The following PPAT variants were observed in gnomAD, a reference collection of about 807,000 sequenced individuals.
The protein encoded by PPAT is amidophosphoribosyltransferase.
A neutral mutation model predicts 60.2 loss-of-function variants in PPAT; 20 were observed. That is an observed-to-expected ratio of 0.33 (90% CI 0.23 to 0.48). The LOEUF (loss-of-function observed/expected upper bound fraction) is 0.48. PPAT is among the 20% of genes least tolerant of loss of function. The probability of loss-of-function intolerance (pLI) is 0.99; values close to 1 mark genes in which losing one functional copy is unlikely to be tolerated. For synonymous variants in PPAT, 194 were observed against 215.1 expected, an observed-to-expected ratio of 0.90 and a Z score of 0.86; for missense variants, 349 against 629.6, an observed-to-expected ratio of 0.55 and a Z score of 4.77.
At chr4:56,403,675 T>C (rs1560638714) in intron 3 of PPAT, among the ~76,000 whole-genome samples, 1 of 152,204 alleles carries the variant, frequency 6.6e-6, no homozygotes, top group African/African-American at 2.4e-5. Context: ...TACTATACTG[T>C]AATATATAAT....
Position 56,406,581 on chromosome 4 carries a change from G to T in PPAT, c.316C>A (p.Gln106Lys). 1 of 1,613,828 alleles carries T rather than the reference G, an allele frequency of 6.2e-7. No homozygotes were observed. The highest frequency in any genetic ancestry group is 8.5e-7 in the Non-Finnish European group (1 of 1,179,902). ...TTGKCELENC[Q>K]PFVVETLHGK... Reference sequence around the variant, plus strand: ...TGAAGTGTTTCAACAACGAAGGGCTGACAATTTTCTAGTTCACATTTTCCT... The same window carrying T: ...TGAAGTGTTTCAACAACGAAGGGCTTACAATTTTCTAGTTCACATTTTCCT... The change falls in exon 3 of 11, where the codon CAG becomes AAG. Residue 106 changes from glutamine to lysine, a missense_variant. Physicochemically the swap from Gln to Lys is moderately conservative, Grantham distance 53. Coordinates refer to ENST00000264220, the MANE Select transcript of PPAT (RefSeq NM_002703.5).
At position 56,396,883 on chromosome 4, in the gene PPAT, GTTTTT is replaced by G; in HGVS notation, c.1237-149_1237-145del. 1.4e-6 allele frequency: 1 copy of G among 700,136 alleles called. No homozygotes were observed. The highest frequency in any genetic ancestry group is 2.1e-6 in the Non-Finnish European group (1 of 487,450). 43.4% of individuals were successfully genotyped at this position (700,136 alleles called of 1,614,324 possible). ...ATTCTTTCTACAAAGCTGCTTCTTG[GTTTTT>G]TTTTTCTTTCACCTAATCATGAGGA... is the stretch of plus-strand genomic sequence containing the variant. On this transcript the variant is annotated intron_variant, in intron 9 of 10. Coordinates refer to ENST00000264220, the MANE Select transcript of PPAT (RefSeq NM_002703.5). The surrounding 1 kb of genome is among the most constrained non-coding windows in gnomAD (Gnocchi z 4.6).
chr4:56,410,708 A>G (rs1716408497), intron 1 of PPAT: 1 of 986,744 alleles, frequency 1.0e-6, no homozygotes, highest in Admixed American at 6.1e-5. Context: ...TAAGTACAAA[A>G]ATCTCAAATA....
intron 1 of PPAT, among the ~76,000 whole-genome samples, chr4:56,424,334 A>G (rs1202052805): frequency 6.6e-6 from 1 of 152,024 alleles, no homozygotes; most frequent in East Asian, 1.9e-4. Flanking sequence ...GAGTCAGTTC[A>G]GGCACCCGTA....
chr4:56,404,953 C>T (rs986107107), intron 3 of PPAT, among the ~76,000 whole-genome samples: 1 of 152,102 alleles, frequency 6.6e-6, no homozygotes, highest in Non-Finnish European at 1.5e-5. Flanking sequence ...ATGTAACCAT[C>T]TATTACTAAA....
intron 1 of PPAT, among the ~76,000 whole-genome samples, chr4:56,427,385 G>A (rs577414780): frequency 1.1e-4 from 17 of 152,180 alleles, no homozygotes; most frequent in South Asian, 8.3e-4. Context: ...GGAATTGCTT[G>A]GTCATATGGC....
chr4:56,399,343 T>G lies in PPAT; in HGVS notation c.1072A>C (p.Ile358Leu). ...TGTCTTAACCTCATGTTTGGCTGAA[T>G]GAAGGTTCTCCCTACATACCGGTTT... ...CKNRYVGRTF[I>L]QPNMRLRQLG... The change falls in exon 9 of 11, where the codon ATT (isoleucine) becomes CTT (leucine). Residue 358 changes from isoleucine (I) to leucine (L), a missense_variant. By Grantham distance (5) the Ile-to-Leu change is conservative (BLOSUM62 2). This residue lies in a region of PPAT where 167 missense variants were observed against 328.6 expected (regional missense o/e 0.51). Coordinates refer to ENST00000264220, the MANE Select transcript of PPAT (RefSeq NM_002703.5). The G allele has an allele frequency of 6.2e-7, 1 of 1,614,038 alleles. No individual in the cohort carries two copies. The highest frequency in any genetic ancestry group is 2.2e-5 in the East Asian group (1 of 44,846).
At chr4:56,432,804 T>A (rs6842547) in intron 1 of PPAT, among the ~76,000 whole-genome samples, 1,643 of 65,720 alleles carry the variant, frequency 0.025, 47 homozygotes, top group Non-Finnish European at 0.042. Flanking sequence ...AAAAAAAAAA[T>A]CAAGAAGATA....
chr4:56,401,018 T>C lies in PPAT; in HGVS notation c.887-107A>G, dbSNP rs78237529. 5.0e-4 allele frequency: 576 copies of C among 1,150,970 alleles called. 1 individual carries two copies. In the East Asian group the frequency reaches 9.6e-3, roughly 19 times the overall value. 71.3% of individuals were successfully genotyped at this position (1,150,970 alleles called of 1,614,324 possible). A position where few individuals can be genotyped will look rare whatever the true frequency, so the allele number is the denominator to read the frequency against. On this transcript the variant is annotated intron_variant, in intron 7 of 10. Transcript: ENST00000264220. ...TCTACAGATTGAGTATAAAAAGAAA[T>C]GCAATATATACAAAAATATGAATGT...
At chr4:56,405,688 G>A (rs369967978) in intron 3 of PPAT, among the ~76,000 whole-genome samples, 1 of 152,224 alleles carries the variant, frequency 6.6e-6, no homozygotes, top group Non-Finnish European at 1.5e-5. Flanking sequence ...GGTGCCCCTG[G>A]AAAGGGCATG....
At chr4:56,424,174 TTC>T (rs1252783531) in intron 1 of PPAT, among the ~76,000 whole-genome samples, 1 of 152,226 alleles carries the variant, frequency 6.6e-6, no homozygotes, top group African/African-American at 2.4e-5. Context: ...CCCAAAAGTA[TTC>T]TCTTTCCTAT....
chr4:56,431,030 A>T (rs905983554), intron 1 of PPAT, among the ~76,000 whole-genome samples: 10 of 152,180 alleles, frequency 6.6e-5, no homozygotes, highest in Non-Finnish European at 1.2e-4. Context: ...GATTGAAAAC[A>T]CTTATTTTAA....
rs117698712 is a variant in PPAT, at chr4:56,406,961, C to T, written c.196-260G>A. The stretch of plus-strand genomic sequence containing the variant: ...CATTCTAAAAAGAACAATTTAGTGG[C>T]ATTTAATACCTTCACAATGTTGAAG... On this transcript the variant is annotated intron_variant, in intron 2 of 10. Coordinates refer to ENST00000264220, the MANE Select transcript of PPAT (RefSeq NM_002703.5). Among the ~76,000 whole-genome samples, 205 of 152,262 alleles carry T rather than the reference C, an allele frequency of 1.3e-3. 6 individuals carry two copies. In the East Asian group the frequency reaches 0.033, roughly 25 times the overall value.
At chr4:56,411,038 A>T (rs1176014117) in intron 1 of PPAT, 2 of 607,736 alleles carry the variant, frequency 3.3e-6, no homozygotes, top group Admixed American at 1.3e-4. Flanking sequence ...CTGTGGAAAA[A>T]TAACCAATTT....
chr4:56,432,997 T>TTATA lies in PPAT; in HGVS notation c.128+2349_128+2352dup, dbSNP rs370961590. On this transcript the variant is annotated intron_variant, in intron 1 of 10. Coordinates refer to ENST00000264220, the MANE Select transcript of PPAT (RefSeq NM_002703.5). ...ACATATATACATACACACACGTATT[T>TTATA]TATATATATATATATAAAACTAAAC... Among the ~76,000 whole-genome samples the TTATA allele has an allele frequency of 9.7e-3, 1,443 of 148,494 alleles. 22 individuals carry two copies. The highest frequency in any genetic ancestry group is 0.032 in the African/African-American group (1,309 of 40,414).
At chr4:56,414,713 T>C (rs1321221008) in intron 1 of PPAT, among the ~76,000 whole-genome samples, 1 of 152,186 alleles carries the variant, frequency 6.6e-6, no homozygotes. Flanking sequence ...GACGTAAATC[T>C]GGACTCTAAA....
chr4:56,433,413 GA>G (rs1182906456), intron 1 of PPAT, among the ~76,000 whole-genome samples: 5,984 of 90,116 alleles, frequency 0.066, 407 homozygotes, highest in African/African-American at 0.21. Flanking sequence ...AAAAAAAAAA[GA>G]AAAAAAAAAC....
chr4:56,434,153 G>T lies in PPAT; in HGVS notation c.128+1197C>A, dbSNP rs1424705035. Among the ~76,000 whole-genome samples the T allele has an allele frequency of 2.0e-5, 3 of 152,134 alleles. No individual in the cohort carries two copies. The East Asian group carries it at 5.8e-4, about 29-fold the overall frequency. ...CACAATTATCCAAGATTGGAGCTAC[G>T]CAAGTTAAAAATATTCTTTTTGATG... On this transcript the variant is annotated intron_variant, in intron 1 of 10. Transcript: ENST00000264220.
chr4:56,432,547 A>AGGC (rs1370812939), intron 1 of PPAT, among the ~76,000 whole-genome samples: 1 of 144,868 alleles, frequency 6.9e-6, no homozygotes, highest in Non-Finnish European at 1.5e-5. Flanking sequence ...AAAAAAAGGG[A>AGGC]GGCCAAGGCG....
Sources: gnomAD v4.1 joint callset for allele counts (sites outside exome capture counted in the v4.1 genomes callset) on GRCh38, gnomAD v4.1.1 for gene constraint, gnomAD v4.1.1 regional missense constraint, Gnocchi (gnomAD v3.1) non-coding constraint, MANE v1.5 for transcripts, NCBI Gene and HGNC (gene_info 2026-07-23, HGNC 2026-07-21) for gene names.